The following L3MBTL4 variants were observed in gnomAD, a reference collection of about 807,000 sequenced individuals.
L3MBTL4 encodes L3MBTL histone methyl-lysine binding protein 4.
Under a neutral mutation model 84.5 loss-of-function variants are expected in L3MBTL4, and 70 were observed. The observed-to-expected ratio is 0.83, with a 90% CI of 0.68 to 1.01. The LOEUF is 1.01. Ranked by LOEUF, L3MBTL4 falls within the 50% of genes least tolerant of loss-of-function variation. The pLI, the probability that L3MBTL4 is intolerant of heterozygous loss-of-function variation, is 0.00. For synonymous variants in L3MBTL4, 274 were observed against 259.8 expected (o/e 1.05, Z -0.52); for missense variants, 715 against 754.8 (o/e 0.95, Z 0.62).
At chr18:6,353,724 C>A (rs1268477346) in intron 1 of L3MBTL4, among the ~76,000 whole-genome samples, 1 of 151,680 alleles carries the variant, frequency 6.6e-6, no homozygotes, top group East Asian at 1.9e-4. Flanking sequence ...AGGAATTAAC[C>A]AAAGAAGTGA....
intron 1 of L3MBTL4, among the ~76,000 whole-genome samples, chr18:6,349,810 G>T (rs569514501): frequency 6.6e-6 from 1 of 152,182 alleles, no homozygotes. Context: ...CACCTGTGGT[G>T]GGAGGGGCTT....
At chr18:6,198,929 T>G (rs567095669) in intron 12 of L3MBTL4, among the ~76,000 whole-genome samples, 1 of 152,350 alleles carries the variant, frequency 6.6e-6, no homozygotes, top group Admixed American at 6.5e-5. Context: ...CCAATTTAAA[T>G]ATTTAGATAA....
At chr18:6,323,699 A>T (rs867994300) in intron 1 of L3MBTL4, among the ~76,000 whole-genome samples, 1 of 152,244 alleles carries the variant, frequency 6.6e-6, no homozygotes, top group Admixed American at 6.5e-5. Context: ...TGTGTGAGCA[A>T]AGATATGACC....
intron 1 of L3MBTL4, among the ~76,000 whole-genome samples, chr18:6,368,604 A>G (rs1407365783): frequency 6.6e-6 from 1 of 152,194 alleles, no homozygotes; most frequent in Non-Finnish European, 1.5e-5. Context: ...CAGAAAGTTT[A>G]AGAGACTTCC....
chr18:6,040,629 T>A (rs958017607), intron 16 of L3MBTL4, among the ~76,000 whole-genome samples: 3 of 152,194 alleles, frequency 2.0e-5, no homozygotes, highest in Non-Finnish European at 4.4e-5. Flanking sequence ...ATGAGTAAAC[T>A]TTTTACTCAC....
intron 16 of L3MBTL4, among the ~76,000 whole-genome samples, chr18:6,059,554 G>A (rs1029041234): frequency 6.6e-6 from 1 of 151,948 alleles, no homozygotes; most frequent in Non-Finnish European, 1.5e-5. Context: ...AAAAAATTTT[G>A]TATGAAAAGA....
chr18:6,339,941 T>C (rs867990324), intron 1 of L3MBTL4, among the ~76,000 whole-genome samples: 9 of 152,174 alleles, frequency 5.9e-5, no homozygotes, highest in African/African-American at 1.9e-4. Context: ...AAAATCTTTC[T>C]ATAAAGAAAT....
chr18:6,131,320 G>A (rs1490594648), intron 14 of L3MBTL4, among the ~76,000 whole-genome samples: 3 of 152,186 alleles, frequency 2.0e-5, no homozygotes, highest in African/African-American at 4.8e-5. Flanking sequence ...CCAGGGTTTG[G>A]AAGCAGAAGT....
intron 16 of L3MBTL4, among the ~76,000 whole-genome samples, chr18:6,049,583 G>A (rs2056769315): frequency 6.6e-6 from 1 of 152,190 alleles, no homozygotes; most frequent in African/African-American, 2.4e-5. Flanking sequence ...GATGCAGCTG[G>A]AGGCCATTAT....
At chr18:6,372,465 G>A (rs2054195130) in intron 1 of L3MBTL4, among the ~76,000 whole-genome samples, 1 of 152,124 alleles carries the variant, frequency 6.6e-6, no homozygotes, top group African/African-American at 2.4e-5. Flanking sequence ...TTGAAAGCAA[G>A]GTAAGATCAA....
chr18:6,080,392 C>T (rs1234295184), intron 16 of L3MBTL4, among the ~76,000 whole-genome samples: 8 of 152,226 alleles, frequency 5.3e-5, no homozygotes, highest in Admixed American at 2.0e-4. Context: ...TGGAAAGAAA[C>T]GTAACTAAAA....
intron 13 of L3MBTL4, among the ~76,000 whole-genome samples, chr18:6,168,801 G>A (rs1039653512): frequency 2.6e-5 from 4 of 152,140 alleles, no homozygotes; most frequent in African/African-American, 9.7e-5. Flanking sequence ...CAAAAGCAAT[G>A]GCAACAGAAG....
intron 1 of L3MBTL4, among the ~76,000 whole-genome samples, chr18:6,336,401 G>A (rs1206223915): frequency 1.3e-5 from 2 of 152,112 alleles, no homozygotes; most frequent in Admixed American, 6.5e-5. Context: ...TCAAACACAT[G>A]AAGAGTGTTA....
intron 9 of L3MBTL4, 31 bp from the exon 10 acceptor site, chr18:6,238,071 G>C (rs375519233): frequency 6.3e-7 from 1 of 1,580,970 alleles, no homozygotes; most frequent in South Asian, 1.1e-5. Flanking sequence ...ATTACGTTCC[G>C]TTTTACTTCA....
At chr18:6,209,882 C>G (rs1293077561) in intron 12 of L3MBTL4, among the ~76,000 whole-genome samples, 1 of 152,056 alleles carries the variant, frequency 6.6e-6, no homozygotes, top group African/African-American at 2.4e-5. Context: ...GTGAAAGAAG[C>G]CAATCAAAAG....
chr18:6,067,762 C>T, intron 16 of L3MBTL4, among the ~76,000 whole-genome samples: 1 of 152,088 alleles, frequency 6.6e-6, no homozygotes, highest in East Asian at 1.9e-4. Context: ...ATTTAATAAG[C>T]AACCTTCTGA....
intron 12 of L3MBTL4, among the ~76,000 whole-genome samples, chr18:6,174,291 C>A (rs2044120192): frequency 6.6e-6 from 1 of 151,902 alleles, no homozygotes; most frequent in East Asian, 1.9e-4. Context: ...CCTAAGATAA[C>A]CTAGATGTTG....
chr18:6,144,381 T>C (rs1020963114), intron 13 of L3MBTL4, among the ~76,000 whole-genome samples: 1 of 152,238 alleles, frequency 6.6e-6, no homozygotes, highest in Middle Eastern at 3.4e-3. Context: ...CATGAATAAC[T>C]CCTAGTTCAT....
At chr18:6,090,202 C>G (rs1427349203) in intron 15 of L3MBTL4, among the ~76,000 whole-genome samples, 1 of 152,086 alleles carries the variant, frequency 6.6e-6, no homozygotes, top group Non-Finnish European at 1.5e-5. Flanking sequence ...GTGAGTATGA[C>G]TCTTTACAGT....
Sources: gnomAD v4.1 joint callset for allele counts (sites outside exome capture counted in the v4.1 genomes callset) on GRCh38, gnomAD v4.1.1 for gene constraint, MANE v1.5 for transcripts, NCBI Gene and HGNC (gene_info 2026-07-23, HGNC 2026-07-21) for gene names.